Variants in HDAC9 observed in about 807,000 individuals in gnomAD.
HDAC9 encodes MEF-2 interacting transcription repressor (MITR) protein.
Under a neutral mutation model 139.4 loss-of-function variants are expected in HDAC9, and 41 were observed. The observed-to-expected ratio is 0.29, with a 90% confidence interval of 0.23 to 0.38. The LOEUF (loss-of-function observed/expected upper bound fraction) is 0.38. HDAC9 is among the 10% of genes least tolerant of loss of function. HDAC9 has a pLI of 1.00. For synonymous variants in HDAC9, 517 were observed against 476.2 expected, an observed-to-expected ratio of 1.09 and a Z score of -1.12; for missense variants, 1,147 against 1,297.0, an observed-to-expected ratio of 0.88 and a Z score of 1.78.
At chr7:18,245,505 A>G (rs1473511577) in intron 2 of HDAC9, among the ~76,000 whole-genome samples, 3 of 152,152 alleles carry the variant, frequency 2.0e-5, no homozygotes, top group Admixed American at 6.5e-5. Flanking sequence ...GGAGAATGGC[A>G]TGAACCCGGA....
intron 23 of HDAC9, among the ~76,000 whole-genome samples, chr7:18,944,275 T>C (rs1247470050): frequency 1.3e-5 from 2 of 152,188 alleles, no homozygotes; most frequent in Non-Finnish European, 2.9e-5. Flanking sequence ...CGTTCCACAA[T>C]ATCTTTGACT....
intron 2 of HDAC9, among the ~76,000 whole-genome samples, chr7:18,272,973 T>C (rs897583242): frequency 1.8e-4 from 27 of 149,310 alleles, no homozygotes; most frequent in African/African-American, 5.7e-4. Flanking sequence ...TACTATTTCT[T>C]CCTCCTCTTT....
intron 1 of HDAC9, among the ~76,000 whole-genome samples, chr7:18,445,980 A>G (rs1241350359): frequency 1.3e-5 from 2 of 152,260 alleles, no homozygotes; most frequent in African/African-American, 2.4e-5. Flanking sequence ...TTTGCTCCTT[A>G]AAGAACAAAA....
chr7:18,090,690 C>G (rs1307516279), intron 1 of HDAC9, among the ~76,000 whole-genome samples: 4 of 152,082 alleles, frequency 2.6e-5, no homozygotes, highest in Admixed American at 1.3e-4. Flanking sequence ...CAGAGGCAGC[C>G]AGTAGTGGTC....
exon 2 of HDAC9, chr7:18,162,282 G>C (rs766498694): frequency 6.5e-7 from 1 of 1,529,524 alleles, no homozygotes; most frequent in Admixed American, 2.0e-5. Flanking sequence ...AACGACAAAG[G>C]CTGTGAATCT....
At chr7:18,690,480 A>G (rs1245024843) in intron 12 of HDAC9, among the ~76,000 whole-genome samples, 1 of 151,952 alleles carries the variant, frequency 6.6e-6, no homozygotes, top group Non-Finnish European at 1.5e-5. Flanking sequence ...TTGTGGGACA[A>G]CAATCCCTGC....
intron 1 of HDAC9, among the ~76,000 whole-genome samples, chr7:18,442,531 C>G (rs560051627): frequency 6.6e-6 from 1 of 152,290 alleles, no homozygotes; most frequent in African/African-American, 2.4e-5. Flanking sequence ...CATTTTATCT[C>G]CATTAGGGAG....
chr7:19,002,389 T>C lies in HDAC9; in HGVS notation c.*6327T>C, dbSNP rs1031911669. 2 of 152,214 alleles carry C rather than the reference T, an allele frequency of 1.3e-5. No homozygotes were observed. The highest frequency in any genetic ancestry group is 2.1e-4 in the South Asian group (1 of 4,830). The allele number at this position is 152,214 out of a possible 1,614,324, so 9.4% of individuals were successfully genotyped here. A position where few individuals can be genotyped will look rare whatever the true frequency, so the allele number is the denominator to read the frequency against. On this transcript the variant is annotated 3_prime_UTR_variant, in exon 26 of 26. Transcript: ENST00000686413. ...TGAATTAGATTTTCCTCTAGTCCTA[T>C]GTGAATAAAAAGCTATTTGAAATAA...
At chr7:18,812,494 T>C (rs567221524) in intron 17 of HDAC9, among the ~76,000 whole-genome samples, 2 of 152,148 alleles carry the variant, frequency 1.3e-5, no homozygotes, top group African/African-American at 4.8e-5. Context: ...TAAAGATATA[T>C]TTTCAATGTC....
Position 18,835,562 on chromosome 7 carries a change from C to A in HDAC9, c.2562C>A (p.Phe854Leu). The change falls in exon 20 of 26, where the codon TTC (phenylalanine) becomes TTA (leucine). Residue 854 changes from phenylalanine to leucine, a missense_variant. Phe to Leu is a conservative substitution (Grantham distance 22). Around this residue, in one of 7 missense-constraint regions of HDAC9, gnomAD observed 407 missense variants for 521.5 expected, o/e 0.78. Transcript: ENST00000686413. ...ATCGCTATGATGAAGGGAACTTTTT[C>A]CCTGGCAGTGGAGCCCCAAATGAGG... ...SLHRYDEGNF[F>L]PGSGAPNEVG... 6.2e-7 allele frequency: 1 copy of A among 1,613,796 alleles called. No homozygotes were observed. Among genetic ancestry groups the A allele is most frequent in the Non-Finnish European group, 8.5e-7 (1 of 1,179,724 alleles).
intron 1 of HDAC9, among the ~76,000 whole-genome samples, chr7:18,381,237 A>AAAAAT (rs1785420130): frequency 6.6e-6 from 1 of 150,848 alleles, no homozygotes; most frequent in African/African-American, 2.4e-5. Context: ...GAAAAAAAAG[A>AAAAAT]AAAATAAAAT....
chr7:18,405,565 A>C (rs905117395), intron 1 of HDAC9, among the ~76,000 whole-genome samples: 16 of 152,188 alleles, frequency 1.1e-4, no homozygotes, highest in African/African-American at 3.9e-4. Context: ...AAATCTGAAA[A>C]ACAATATCCA....
At chr7:18,331,682 A>T (rs1800934790) in intron 1 of HDAC9, among the ~76,000 whole-genome samples, 1 of 151,698 alleles carries the variant, frequency 6.6e-6, no homozygotes, top group African/African-American at 2.4e-5. Flanking sequence ...GGAAAAATAT[A>T]TTAGAATAAT....
chr7:18,419,554 C>T (rs1452857394), intron 1 of HDAC9, among the ~76,000 whole-genome samples: 2 of 152,078 alleles, frequency 1.3e-5, no homozygotes, highest in African/African-American at 4.8e-5. Context: ...TATTCACAAT[C>T]TCCAAAGAGG....
chr7:18,219,499 T>C (rs1418543013), intron 2 of HDAC9, among the ~76,000 whole-genome samples: 2 of 152,200 alleles, frequency 1.3e-5, no homozygotes, highest in African/African-American at 2.4e-5. Context: ...TGCTTTTTTT[T>C]TTACTTTTGT....
intron 17 of HDAC9, among the ~76,000 whole-genome samples, chr7:18,795,816 C>T (rs547803415): frequency 2.6e-5 from 4 of 152,144 alleles, no homozygotes; most frequent in African/African-American, 4.8e-5. Flanking sequence ...ACAAAAACTA[C>T]CCAGTGCCTA....
chr7:18,171,895 G>T (rs1050768482), intron 2 of HDAC9, among the ~76,000 whole-genome samples: 4 of 152,156 alleles, frequency 2.6e-5, no homozygotes, highest in Admixed American at 6.5e-5. Flanking sequence ...AGGGATATTG[G>T]TCTAAAATTC....
intron 2 of HDAC9, among the ~76,000 whole-genome samples, chr7:18,499,975 G>T (rs1797954787): frequency 1.3e-5 from 2 of 152,080 alleles, no homozygotes; most frequent in Admixed American, 1.3e-4. Context: ...GTCATGTCAA[G>T]AATCACTTCT....
intron 19 of HDAC9, among the ~76,000 whole-genome samples, chr7:18,831,383 G>C (rs566338678): frequency 6.6e-6 from 1 of 152,260 alleles, no homozygotes; most frequent in African/African-American, 2.4e-5. Flanking sequence ...AGGAATAAAA[G>C]ACTGCTGGAA....
Sources: gnomAD v4.1 joint callset for allele counts (sites outside exome capture counted in the v4.1 genomes callset) on GRCh38, gnomAD v4.1.1 for gene constraint, gnomAD v4.1.1 regional missense constraint, MANE v1.5 for transcripts, NCBI Gene and HGNC (gene_info 2026-07-23, HGNC 2026-07-21) for gene names.